The following JPH3 variants were observed in gnomAD, a reference collection of about 807,000 sequenced individuals.
JPH3 encodes the protein junctophilin-3.
A neutral mutation model predicts 59.6 loss-of-function variants in JPH3; 11 were observed. The ratio of observed to expected loss-of-function variants is 0.18; its 90% CI spans 0.12 to 0.31. The LOEUF (loss-of-function observed/expected upper bound fraction) is 0.31, where lower values mean the gene tolerates loss of function less well. JPH3 is among the 10% of genes least tolerant of loss of function. The pLI is 1.00. For missense variants in JPH3, 1,202 were observed against 1,105.7 expected (o/e 1.09, Z -1.24); for synonymous variants, 673 against 483.6 (o/e 1.39, Z -5.14).
At chr16:87,665,952 C>T (rs892122409) in intron 2 of JPH3, among the ~76,000 whole-genome samples, 2 of 152,336 alleles carry the variant, frequency 1.3e-5, no homozygotes, top group South Asian at 4.1e-4. Context: ...TCAGCCTGGT[C>T]GCAGCTGGCA....
chr16:87,694,058 G>A (rs190107908), intron 4 of JPH3: 8 of 152,426 alleles, frequency 5.2e-5, no homozygotes, highest in African/African-American at 1.9e-4. Context: ...CCACAGACGG[G>A]GCTACGATGA....
intron 2 of JPH3, among the ~76,000 whole-genome samples, chr16:87,649,073 G>C (rs2032246437): frequency 6.6e-6 from 1 of 152,228 alleles, no homozygotes; most frequent in Non-Finnish European, 1.5e-5. Context: ...GGAGACGAGG[G>C]AGGGGTGAAG....
intron 2 of JPH3, among the ~76,000 whole-genome samples, chr16:87,650,797 G>A (rs1275621702): frequency 1.3e-5 from 2 of 152,234 alleles, no homozygotes; most frequent in East Asian, 1.9e-4. Flanking sequence ...AGCTGGAAAC[G>A]AGCAGAGGCT....
chr16:87,612,367 C>T (rs920813611), intron 1 of JPH3, among the ~76,000 whole-genome samples: 5 of 152,098 alleles, frequency 3.3e-5, no homozygotes, highest in African/African-American at 7.2e-5. Flanking sequence ...TCAAGCGATC[C>T]GCCCACCTTG....
chr16:87,624,151 T>C (rs2031285430), intron 1 of JPH3, among the ~76,000 whole-genome samples: 1 of 152,200 alleles, frequency 6.6e-6, no homozygotes, highest in Admixed American at 6.5e-5. Flanking sequence ...TTTTAAAAAA[T>C]ACAGCTTTGC....
intron 4 of JPH3, chr16:87,695,663 G>C (rs927874618): frequency 2.2e-6 from 1 of 455,930 alleles, no homozygotes; most frequent in Non-Finnish European, 4.4e-6. Flanking sequence ...AGCAGGTACT[G>C]TATCTGTAGG....
At chr16:87,618,574 C>T (rs2031058425) in intron 1 of JPH3, among the ~76,000 whole-genome samples, 1 of 152,200 alleles carries the variant, frequency 6.6e-6, no homozygotes, top group African/African-American at 2.4e-5. Context: ...TCCACCCCAG[C>T]CTTTTTCCAC....
At chr16:87,647,197 G>C (rs1485831779) in intron 2 of JPH3, among the ~76,000 whole-genome samples, 3 of 152,058 alleles carry the variant, frequency 2.0e-5, no homozygotes, top group Admixed American at 6.5e-5. Context: ...GCATCATGCT[G>C]GGGTGAAAGC....
chr16:87,636,634 C>T (rs538081031), intron 1 of JPH3, among the ~76,000 whole-genome samples: 6 of 152,310 alleles, frequency 3.9e-5, no homozygotes, highest in African/African-American at 1.4e-4. Flanking sequence ...AACTGAAGGC[C>T]GTGTGCTTTC....
At chr16:87,680,609 G>C (rs1338675861) in intron 2 of JPH3, among the ~76,000 whole-genome samples, 1 of 152,216 alleles carries the variant, frequency 6.6e-6, no homozygotes, top group East Asian at 1.9e-4. Flanking sequence ...GGGGTGGGGG[G>C]CCCCAGGTGA....
Position 87,604,143 on chromosome 16 carries a change from G to A in JPH3, c.382+615G>A, listed in dbSNP as rs560525399. 3.1e-5 allele frequency: 42 copies of A among 1,355,478 alleles called. 1 individual carries two copies. Among genetic ancestry groups the A allele is most frequent in the Middle Eastern group, 5.8e-4 (2 of 3,432 alleles). The allele number at this position is 1,355,478 out of a possible 1,614,324, so 84.0% of individuals were successfully genotyped here. A position where few individuals can be genotyped will look rare whatever the true frequency, so the allele number is the denominator to read the frequency against. On this transcript the variant is annotated intron_variant, in intron 1 of 4. Transcript: ENST00000284262. ...GCAGGCTGCTGGAGGGAGGAGGGAGGCCCATCTGCTCAGTGAGAGCCCAGG... is the reference window on the plus strand; with the variant it reads ...GCAGGCTGCTGGAGGGAGGAGGGAGACCCATCTGCTCAGTGAGAGCCCAGG...
At chr16:87,695,570 G>T (rs1462487627) in intron 4 of JPH3, 5 of 455,488 alleles carry the variant, frequency 1.1e-5, no homozygotes, top group Non-Finnish European at 2.2e-5. Context: ...TCCTCTGGAA[G>T]CAGACTGTGG....
chr16:87,677,185 T>TATACACAC (rs1491266129), intron 2 of JPH3, among the ~76,000 whole-genome samples: 2,464 of 94,956 alleles, frequency 0.026, 42 homozygotes, highest in Non-Finnish European at 0.03. Flanking sequence ...TATATATATA[T>TATACACAC]ACACACACAC....
chr16:87,645,998 G>T (rs960792962), intron 2 of JPH3, among the ~76,000 whole-genome samples: 5 of 152,240 alleles, frequency 3.3e-5, no homozygotes, highest in African/African-American at 4.8e-5. Flanking sequence ...TGGGCCAGAC[G>T]AGGGCCCTTG....
At chr16:87,617,344 C>G (rs1325555391) in intron 1 of JPH3, among the ~76,000 whole-genome samples, 1 of 152,168 alleles carries the variant, frequency 6.6e-6, no homozygotes, top group Non-Finnish European at 1.5e-5. Flanking sequence ...TGAAGGGCAT[C>G]TGGGGTGTCT....
intron 2 of JPH3, among the ~76,000 whole-genome samples, chr16:87,682,912 C>G (rs1403005949): frequency 6.6e-6 from 1 of 152,264 alleles, no homozygotes; most frequent in Non-Finnish European, 1.5e-5. Flanking sequence ...GCCCCACATT[C>G]TGCCTTCGGG....
intron 1 of JPH3, among the ~76,000 whole-genome samples, chr16:87,631,246 C>T (rs1019576273): frequency 6.6e-6 from 1 of 152,202 alleles, no homozygotes; most frequent in Non-Finnish European, 1.5e-5. Context: ...CTCATGTCTT[C>T]TTTCATGGTT....
intron 4 of JPH3, chr16:87,696,236 A>G (rs2033845039): frequency 2.3e-6 from 1 of 440,162 alleles, no homozygotes; most frequent in Non-Finnish European, 4.3e-6. Flanking sequence ...CACAAAGGCC[A>G]CACGCACCGA....
intron 1 of JPH3, among the ~76,000 whole-genome samples, chr16:87,638,646 G>A (rs1446781590): frequency 1.3e-5 from 2 of 152,092 alleles, no homozygotes; most frequent in African/African-American, 2.4e-5. Flanking sequence ...AGAGTGAGGA[G>A]TACCGGGACC....
Sources: gnomAD v4.1 joint callset for allele counts (sites outside exome capture counted in the v4.1 genomes callset) on GRCh38, gnomAD v4.1.1 for gene constraint, MANE v1.5 for transcripts, NCBI Gene and HGNC (gene_info 2026-07-23, HGNC 2026-07-21) for gene names.